TRPM3: variants seen among roughly 807,000 people sequenced by gnomAD.
TRPM3 encodes long transient receptor potential channel 3.
In TRPM3, 77 loss-of-function variants were observed where a neutral mutation model predicts 181.2. That is an observed-to-expected ratio of 0.42 (90% confidence interval 0.35 to 0.51). The LOEUF is 0.51. TRPM3 is among the 20% of genes least tolerant of loss of function. The probability of loss-of-function intolerance (pLI) is 0.01; values close to 1 mark genes in which losing one functional copy is unlikely to be tolerated. For synonymous variants in TRPM3, 745 were observed against 796.4 expected (o/e 0.94, Z 1.09); for missense variants, 1,759 against 2,196.7 (o/e 0.80, Z 3.98).
At chr9:71,008,670 C>T (rs1342369166) in intron 1 of TRPM3, among the ~76,000 whole-genome samples, 1 of 152,138 alleles carries the variant, frequency 6.6e-6, no homozygotes, top group Non-Finnish European at 1.5e-5. Context: ...TGGTGAAACC[C>T]TGTCTCTACT....
intron 1 of TRPM3, among the ~76,000 whole-genome samples, chr9:71,281,164 G>A (rs960418817): frequency 7.2e-4 from 109 of 152,170 alleles, no homozygotes; most frequent in Non-Finnish European, 6.2e-4. Context: ...AAGCAAAGTC[G>A]GGAGGTGTGT....
At chr9:70,911,981 T>C (rs1037174132) in intron 1 of TRPM3, among the ~76,000 whole-genome samples, 1 of 152,126 alleles carries the variant, frequency 6.6e-6, no homozygotes. Context: ...TAGCCAGGAA[T>C]GAGGATTGAG....
intron 9 of TRPM3, among the ~76,000 whole-genome samples, chr9:70,645,761 A>T (rs1339326111): frequency 6.6e-6 from 1 of 152,038 alleles, no homozygotes; most frequent in African/African-American, 2.4e-5. Context: ...AAAATAAAAA[A>T]AATAAATAAA....
At chr9:70,572,634 T>G (rs1279731030) in intron 22 of TRPM3, among the ~76,000 whole-genome samples, 3 of 152,204 alleles carry the variant, frequency 2.0e-5, no homozygotes, top group African/African-American at 7.2e-5. Flanking sequence ...GTCTGATTTT[T>G]TTTCTTCTCA....
intron 20 of TRPM3, among the ~76,000 whole-genome samples, chr9:70,599,415 A>G (rs2059517559): frequency 6.6e-6 from 1 of 152,236 alleles, no homozygotes. Flanking sequence ...AACAACAACA[A>G]CAACAGAAAC....
At chr9:70,872,377 G>A (rs1297150292) in intron 1 of TRPM3, among the ~76,000 whole-genome samples, 1 of 151,878 alleles carries the variant, frequency 6.6e-6, no homozygotes, top group Non-Finnish European at 1.5e-5. Flanking sequence ...TCACTAGTTT[G>A]CCTTTGCTCT....
intron 22 of TRPM3, among the ~76,000 whole-genome samples, chr9:70,584,996 C>G (rs907574299): frequency 1.3e-5 from 2 of 152,190 alleles, no homozygotes; most frequent in Non-Finnish European, 2.9e-5. Context: ...TGTACCAAGT[C>G]AGTGACATCT....
At chr9:70,833,989 GA>G (rs1042813661) in intron 5 of TRPM3, among the ~76,000 whole-genome samples, 15 of 151,738 alleles carry the variant, frequency 9.9e-5, no homozygotes, top group African/African-American at 3.4e-4. Context: ...AGAATGAAAT[GA>G]AAAAAAAGAA....
chr9:71,341,540 C>T (rs1020780811), intron 1 of TRPM3, among the ~76,000 whole-genome samples: 3 of 151,656 alleles, frequency 2.0e-5, no homozygotes, highest in Admixed American at 6.6e-5. Flanking sequence ...TGACAAGTAC[C>T]GTTCAAAATT....
intron 1 of TRPM3, among the ~76,000 whole-genome samples, chr9:70,970,564 T>TGTG (rs781745135): frequency 5.9e-5 from 9 of 152,188 alleles, no homozygotes; most frequent in Non-Finnish European, 1.0e-4. Flanking sequence ...CTCTCCTCTC[T>TGTG]GTGGTGGTTT....
chr9:71,292,577 A>C (rs1565430678), intron 1 of TRPM3, among the ~76,000 whole-genome samples: 1 of 152,020 alleles, frequency 6.6e-6, no homozygotes. Context: ...TATTACTATC[A>C]GTCTGTTAAG....
chr9:70,822,378 T>C (rs2093250671), intron 6 of TRPM3, among the ~76,000 whole-genome samples: 1 of 152,200 alleles, frequency 6.6e-6, no homozygotes, highest in South Asian at 2.1e-4. Context: ...TCTTGAAGTG[T>C]CTATTCCTTA....
At chr9:70,968,206 T>C (rs1169630875) in intron 1 of TRPM3, among the ~76,000 whole-genome samples, 2 of 152,170 alleles carry the variant, frequency 1.3e-5, no homozygotes, top group East Asian at 3.8e-4. Flanking sequence ...AGGTATACAA[T>C]GTGCTTATAT....
At chr9:71,426,735 G>T (rs917920622) in intron 1 of TRPM3, among the ~76,000 whole-genome samples, 7 of 151,820 alleles carry the variant, frequency 4.6e-5, no homozygotes, top group Non-Finnish European at 7.4e-5. Flanking sequence ...ATTCCTATTA[G>T]CTCGGCATCT....
intron 1 of TRPM3, among the ~76,000 whole-genome samples, chr9:70,968,697 G>A (rs1025138539): frequency 4.6e-5 from 7 of 152,052 alleles, no homozygotes; most frequent in African/African-American, 1.7e-4. Context: ...ATGTGTCGGG[G>A]CTGTGATAAG....
At chr9:70,933,931 A>G (rs907675077) in intron 1 of TRPM3, among the ~76,000 whole-genome samples, 5 of 152,152 alleles carry the variant, frequency 3.3e-5, no homozygotes, top group Non-Finnish European at 7.4e-5. Flanking sequence ...AGGAAAAGGT[A>G]GGAGCAAAGG....
At position 70,815,453 on chromosome 9, in the gene TRPM3, G is replaced by A. The variant is rs555291904; in HGVS notation, c.973+12394C>T. ...CAAATTGTCTTCCAAATAAGACTGC[G>A]CTATTTATGCACCCACAATAAATGT... On this transcript the variant is annotated intron_variant, in intron 6 of 25. Transcript: ENST00000677713. Among the ~76,000 whole-genome samples the A allele has an allele frequency of 8.5e-5, 13 of 152,152 alleles. No individual in the cohort carries two copies. In the South Asian group the frequency reaches 1.5e-3, roughly 17 times the overall value.
chr9:70,539,412 T>C (rs566146581), intron 25 of TRPM3, among the ~76,000 whole-genome samples: 1 of 151,954 alleles, frequency 6.6e-6, no homozygotes, highest in African/African-American at 2.4e-5. Context: ...TCTGCTTTTA[T>C]CTTTCAGCTT....
At chr9:70,617,781 A>G (rs2133146841) in intron 17 of TRPM3, among the ~76,000 whole-genome samples, 1 of 152,324 alleles carries the variant, frequency 6.6e-6, no homozygotes, top group East Asian at 1.9e-4. Flanking sequence ...GCTGACCAAC[A>G]TGATGAAACC....
Sources: gnomAD v4.1 joint callset for allele counts (sites outside exome capture counted in the v4.1 genomes callset) on GRCh38, gnomAD v4.1.1 for gene constraint, MANE v1.5 for transcripts, NCBI Gene and HGNC (gene_info 2026-07-23, HGNC 2026-07-21) for gene names.